The following NR6A1 variants were observed in gnomAD, a reference collection of about 807,000 sequenced individuals.
NR6A1 encodes nuclear receptor subfamily 6 group A member 1.
A neutral mutation model predicts 59.1 loss-of-function variants in NR6A1; 7 were observed. The observed-to-expected ratio is 0.12, with a 90% CI of 0.07 to 0.22. The LOEUF is 0.22. Ranked by LOEUF, NR6A1 falls within the 10% of genes least tolerant of loss-of-function variation. NR6A1 has a pLI of 1.00. For synonymous variants in NR6A1, 243 were observed against 236.1 expected, an observed-to-expected ratio of 1.03 and a Z score of -0.27; for missense variants, 468 against 611.6, an observed-to-expected ratio of 0.77 and a Z score of 2.48.
At chr9:124,594,255 G>C (rs1835209456) in intron 2 of NR6A1, among the ~76,000 whole-genome samples, 1 of 152,104 alleles carries the variant, frequency 6.6e-6, no homozygotes, top group Admixed American at 6.6e-5. Context: ...GAAAGTTCTT[G>C]TTTTGGTACC....
intron 3 of NR6A1, among the ~76,000 whole-genome samples, chr9:124,545,353 A>G (rs533224158): frequency 6.6e-5 from 10 of 152,228 alleles, no homozygotes; most frequent in Non-Finnish European, 1.5e-4. Flanking sequence ...CTTTGAGTTA[A>G]AAATCCAAGG....
At chr9:124,638,889 G>C (rs1309131760) in intron 2 of NR6A1, among the ~76,000 whole-genome samples, 2 of 152,084 alleles carry the variant, frequency 1.3e-5, no homozygotes, top group African/African-American at 2.4e-5. Flanking sequence ...ATCCAACTAA[G>C]TTTTGCCATA....
At chr9:124,548,228 G>A (rs1833659248) in intron 3 of NR6A1, among the ~76,000 whole-genome samples, 1 of 152,048 alleles carries the variant, frequency 6.6e-6, no homozygotes, top group Non-Finnish European at 1.5e-5. Context: ...TTAGGTAAAG[G>A]GCATATGGGA....
chr9:124,727,987 G>A (rs1196191240), intron 2 of NR6A1, among the ~76,000 whole-genome samples: 1 of 150,814 alleles, frequency 6.6e-6, no homozygotes, highest in African/African-American at 2.4e-5. Flanking sequence ...CTGGCCTAAT[G>A]ACTTCATTTT....
At position 124,518,830 on chromosome 9, in the gene NR6A1, G is replaced by A. The variant is rs544651595; in HGVS notation, c.*3875C>T. The A allele has an allele frequency of 3.3e-5, 5 of 151,944 alleles. No homozygotes were observed. Among genetic ancestry groups the A allele is most frequent in the African/African-American group, 1.2e-4 (5 of 41,434 alleles). 9.4% of individuals were successfully genotyped at this position (151,944 alleles called of 1,614,324 possible). A position where few individuals can be genotyped will look rare whatever the true frequency, so the allele number is the denominator to read the frequency against. On this transcript the variant is annotated 3_prime_UTR_variant, in exon 10 of 10. Transcript: ENST00000487099. ...AATAAAAGGGCTGGTCTGAAAGACT[G>A]GATTCTTAAAATAATTGCAAAAATT...
intron 2 of NR6A1, among the ~76,000 whole-genome samples, chr9:124,578,475 A>AT (rs959218829): frequency 2.0e-5 from 3 of 152,238 alleles, no homozygotes; most frequent in African/African-American, 4.8e-5. Flanking sequence ...TCTAGGAGTC[A>AT]TTCCTAATTC....
At chr9:124,635,202 G>A (rs937837094) in intron 2 of NR6A1, among the ~76,000 whole-genome samples, 1 of 152,004 alleles carries the variant, frequency 6.6e-6, no homozygotes, top group African/African-American at 2.4e-5. Context: ...GGAAACCACC[G>A]ACTTTTTACT....
At chr9:124,577,691 C>T (rs1340930752) in intron 2 of NR6A1, among the ~76,000 whole-genome samples, 2 of 152,230 alleles carry the variant, frequency 1.3e-5, no homozygotes, top group Non-Finnish European at 2.9e-5. Context: ...CTGTAACACT[C>T]AGTGGTTGCT....
At chr9:124,596,711 G>A (rs902212330) in intron 2 of NR6A1, among the ~76,000 whole-genome samples, 6 of 152,132 alleles carry the variant, frequency 3.9e-5, no homozygotes, top group Admixed American at 3.3e-4. Flanking sequence ...CCAGCAGCAC[G>A]CAGCAGAGTG....
chr9:124,730,517 G>A (rs989378799), intron 2 of NR6A1, among the ~76,000 whole-genome samples: 2 of 150,724 alleles, frequency 1.3e-5, no homozygotes, highest in African/African-American at 4.9e-5. Flanking sequence ...TTACAGGCAT[G>A]AGCCATCATG....
chr9:124,584,434 T>C (rs990462616), intron 2 of NR6A1, among the ~76,000 whole-genome samples: 1 of 152,120 alleles, frequency 6.6e-6, no homozygotes, highest in African/African-American at 2.4e-5. Flanking sequence ...AATTGAAGGT[T>C]TGTGGCAACC....
chr9:124,542,847 T>G (rs1833490811), intron 4 of NR6A1, among the ~76,000 whole-genome samples: 1 of 152,204 alleles, frequency 6.6e-6, no homozygotes, highest in African/African-American at 2.4e-5. Flanking sequence ...CGTGTGCCAC[T>G]GCTCCTGGCC....
At chr9:124,668,956 C>G (rs1203444445) in intron 2 of NR6A1, among the ~76,000 whole-genome samples, 1 of 152,020 alleles carries the variant, frequency 6.6e-6, no homozygotes, top group Non-Finnish European at 1.5e-5. Flanking sequence ...AAGGAAAACT[C>G]AAAATGAAAT....
At chr9:124,612,788 C>A (rs1359990096) in intron 2 of NR6A1, among the ~76,000 whole-genome samples, 1 of 143,782 alleles carries the variant, frequency 7.0e-6, no homozygotes, top group African/African-American at 2.5e-5. Context: ...GTTTTTCTTT[C>A]TTTCTTTTCT....
chr9:124,747,159 T>C (rs1427253988), intron 1 of NR6A1, among the ~76,000 whole-genome samples: 2 of 151,250 alleles, frequency 1.3e-5, no homozygotes, highest in African/African-American at 4.9e-5. Flanking sequence ...GTCACATCCT[T>C]ACAGATGATT....
Position 124,631,669 on chromosome 9 carries a change from C to G in NR6A1, c.143-77099G>C, listed in dbSNP as rs371588672. 6.0e-4 allele frequency among the ~76,000 whole-genome samples: 90 copies of G among 151,162 alleles called. 1 individual carries two copies. In the South Asian group the frequency reaches 0.018, roughly 31 times the overall value. Reference sequence around the variant, plus strand: ...GCAGCTACCTGCATTTTTTTTTTAACTTTTAAGTTCAGGGGTACCTGTGCA... The same window carrying G: ...GCAGCTACCTGCATTTTTTTTTTAAGTTTTAAGTTCAGGGGTACCTGTGCA... On this transcript the variant is annotated intron_variant, in intron 2 of 9. Transcript: ENST00000487099.
At position 124,570,034 on chromosome 9, in the gene NR6A1, T is replaced by C. The variant is rs569533723; in HGVS notation, c.143-15464A>G. ...AAGGAAAAAAAAATTAAGCTGAAAG[T>C]TGAGTCATGCAAGAAGCTGCCTTTC... is the stretch of plus-strand genomic sequence containing the variant. On this transcript the variant is annotated intron_variant, in intron 2 of 9. Coordinates refer to ENST00000487099, the MANE Select transcript of NR6A1 (RefSeq NM_033334.4). 6.0e-4 allele frequency among the ~76,000 whole-genome samples: 92 copies of C among 152,334 alleles called. 1 individual carries two copies. In the South Asian group the frequency reaches 0.018, roughly 30 times the overall value.
At chr9:124,700,325 G>A (rs1044464051) in intron 2 of NR6A1, among the ~76,000 whole-genome samples, 1 of 152,022 alleles carries the variant, frequency 6.6e-6, no homozygotes, top group African/African-American at 2.4e-5. Context: ...CTCTAGAGTA[G>A]CTGGGACTAC....
chr9:124,650,022 A>G (rs1837051332), intron 2 of NR6A1, among the ~76,000 whole-genome samples: 1 of 152,210 alleles, frequency 6.6e-6, no homozygotes, highest in South Asian at 2.1e-4. Flanking sequence ...TATGGAAAAC[A>G]GTATGGAAGT....
Sources: gnomAD v4.1 joint callset for allele counts (sites outside exome capture counted in the v4.1 genomes callset) on GRCh38, gnomAD v4.1.1 for gene constraint, MANE v1.5 for transcripts, NCBI Gene and HGNC (gene_info 2026-07-23, HGNC 2026-07-21) for gene names.